The following SUMF1 variants were observed in gnomAD, a reference collection of about 807,000 sequenced individuals.
The protein encoded by SUMF1 is formylglycine-generating enzyme.
A neutral mutation model predicts 47.6 loss-of-function variants in SUMF1; 48 were observed. The ratio of observed to expected loss-of-function variants is 1.01; its 90% CI spans 0.80 to 1.28. The LOEUF (loss-of-function observed/expected upper bound fraction) is 1.28. Among genes scored for constraint, SUMF1 ranks in the 50% most tolerant of loss-of-function variants. The pLI is 0.00. For missense variants in SUMF1, 571 were observed against 485.4 expected (o/e 1.18, Z -1.66); for synonymous variants, 230 against 192.1 (o/e 1.20, Z -1.63).
In SUMF1 at chr3:4,212,959, G is replaced by T. The variant is rs895415638; in HGVS notation, c.1015-144214C>A. Among the ~76,000 whole-genome samples, 4 of 152,284 alleles carry T rather than the reference G, an allele frequency of 2.6e-5. No individual in the cohort carries two copies. In the South Asian group the frequency reaches 8.3e-4, roughly 32 times the overall value. On this transcript the variant is annotated intron_variant and NMD_transcript_variant, in intron 8 of 12. Transcript: ENST00000448413. ...GATTGGTGTACCTGAAAGTGACAGG[G>T]AGAATGGAACCAAGTTGGAAAACAC... is the stretch of plus-strand genomic sequence containing the variant.
intron 8 of SUMF1, among the ~76,000 whole-genome samples, chr3:4,088,480 A>G (rs1354889995): frequency 6.6e-6 from 1 of 152,038 alleles, no homozygotes; most frequent in African/African-American, 2.4e-5. Flanking sequence ...AGAGCCATCC[A>G]TTACCACAAA....
intron 8 of SUMF1, among the ~76,000 whole-genome samples, chr3:4,224,149 T>C (rs1414555970): frequency 6.6e-6 from 1 of 152,084 alleles, no homozygotes; most frequent in Non-Finnish European, 1.5e-5. Context: ...AAATCAGTCA[T>C]GATTCCTATG....
intron 8 of SUMF1, among the ~76,000 whole-genome samples, chr3:4,321,441 T>G (rs1698827536): frequency 7.6e-6 from 1 of 131,168 alleles, no homozygotes; most frequent in South Asian, 2.3e-4. Flanking sequence ...GACTGGAGCA[T>G]CTTGTAGTGC....
chr3:4,174,113 T>C (rs1296521134), intron 8 of SUMF1, among the ~76,000 whole-genome samples: 2 of 152,006 alleles, frequency 1.3e-5, no homozygotes, highest in African/African-American at 4.8e-5. Context: ...TCCCAGCACT[T>C]CAGGAGGCTG....
At chr3:4,230,002 G>A (rs1696263241) in intron 8 of SUMF1, among the ~76,000 whole-genome samples, 1 of 151,408 alleles carries the variant, frequency 6.6e-6, no homozygotes, top group Non-Finnish European at 1.5e-5. Flanking sequence ...GACAGAGTGA[G>A]ACCTTGTCAC....
At chr3:4,212,419 C>G (rs1431382609) in intron 8 of SUMF1, among the ~76,000 whole-genome samples, 1 of 152,084 alleles carries the variant, frequency 6.6e-6, no homozygotes, top group Non-Finnish European at 1.5e-5. Flanking sequence ...TCACCAACAT[C>G]AAAGACCAAA....
intron 7 of SUMF1, among the ~76,000 whole-genome samples, chr3:4,398,893 T>C (rs937603855): frequency 4.6e-5 from 7 of 152,234 alleles, no homozygotes; most frequent in Non-Finnish European, 8.8e-5. Context: ...TTTCATGTTT[T>C]GTATTTGAAA....
chr3:4,267,755 T>C (rs1270181136), intron 8 of SUMF1, among the ~76,000 whole-genome samples: 3 of 150,134 alleles, frequency 2.0e-5, no homozygotes, highest in African/African-American at 4.9e-5. Flanking sequence ...GGAGAGGATG[T>C]GGAGAAATAG....
chr3:4,133,857 T>C (rs1693851934), intron 8 of SUMF1, among the ~76,000 whole-genome samples: 4 of 152,060 alleles, frequency 2.6e-5, no homozygotes, highest in African/African-American at 9.7e-5. Context: ...CTCTGACTAA[T>C]ACAGGTGTCT....
intron 7 of SUMF1, among the ~76,000 whole-genome samples, chr3:4,408,924 T>C (rs1398165299): frequency 1.3e-5 from 2 of 151,930 alleles, no homozygotes; most frequent in Non-Finnish European, 2.9e-5. Context: ...ATCACGCCAC[T>C]GCACTCCAGC....
At chr3:4,155,190 G>A (rs1434646066) in intron 8 of SUMF1, among the ~76,000 whole-genome samples, 1 of 151,422 alleles carries the variant, frequency 6.6e-6, no homozygotes, top group African/African-American at 2.5e-5. Context: ...CACCCCTGCA[G>A]GCCAGTCCTA....
At chr3:4,340,010 C>T (rs1341891550) in intron 8 of SUMF1, among the ~76,000 whole-genome samples, 1 of 151,898 alleles carries the variant, frequency 6.6e-6, no homozygotes, top group Non-Finnish European at 1.5e-5. Flanking sequence ...GCCAGAAGGT[C>T]GAGGTTGTAG....
intron 8 of SUMF1, among the ~76,000 whole-genome samples, chr3:4,245,455 T>A (rs2125002170): frequency 6.6e-6 from 1 of 152,246 alleles, no homozygotes; most frequent in Non-Finnish European, 1.5e-5. Context: ...TTGATGCTAT[T>A]CCTTTCTGTT....
chr3:4,176,394 A>G (rs1262016786), intron 8 of SUMF1, among the ~76,000 whole-genome samples: 1 of 152,218 alleles, frequency 6.6e-6, no homozygotes, highest in Non-Finnish European at 1.5e-5. Context: ...CAACGTTCTT[A>G]AAGAAAAGAA....
At chr3:4,214,408 C>G (rs571843885) in intron 8 of SUMF1, among the ~76,000 whole-genome samples, 303 of 152,138 alleles carry the variant, frequency 2.0e-3, no homozygotes, top group Middle Eastern at 6.8e-3. Flanking sequence ...ATTTAAAGCA[C>G]TGTGTAAGGG....
chr3:4,045,975 C>G (rs1332550913), intron 9 of SUMF1, among the ~76,000 whole-genome samples: 1 of 151,978 alleles, frequency 6.6e-6, no homozygotes. Context: ...TGCTTGAGGC[C>G]AAGAGTCTGA....
chr3:4,298,269 G>A (rs1369399340), intron 8 of SUMF1, among the ~76,000 whole-genome samples: 2 of 152,138 alleles, frequency 1.3e-5, no homozygotes, highest in Non-Finnish European at 2.9e-5. Flanking sequence ...CAGTTGTCTA[G>A]AGAAAATAAG....
chr3:4,332,927 G>T (rs1200951170), intron 8 of SUMF1, among the ~76,000 whole-genome samples: 3 of 152,186 alleles, frequency 2.0e-5, no homozygotes, highest in African/African-American at 7.2e-5. Flanking sequence ...ACAAATGGTA[G>T]AACAGTGCAG....
intron 9 of SUMF1, among the ~76,000 whole-genome samples, chr3:4,049,046 A>T (rs1695057992): frequency 6.6e-6 from 1 of 152,174 alleles, no homozygotes; most frequent in Non-Finnish European, 1.5e-5. Context: ...TTTGAAAGCC[A>T]TGGGGAGCAT....
Sources: gnomAD v4.1 joint callset for allele counts (sites outside exome capture counted in the v4.1 genomes callset) on GRCh38, gnomAD v4.1.1 for gene constraint, MANE v1.5 for transcripts, NCBI Gene and HGNC (gene_info 2026-07-23, HGNC 2026-07-21) for gene names.